PTPRD: variants seen among roughly 807,000 people sequenced by gnomAD.
PTPRD encodes protein tyrosine phosphatase receptor type D, also known as receptor-type tyrosine-protein phosphatase delta.
Under a neutral mutation model 214.5 loss-of-function variants are expected in PTPRD, and 34 were observed. That is an observed-to-expected ratio of 0.16 (90% CI 0.12 to 0.21). The LOEUF is 0.21. Among genes scored for constraint, PTPRD ranks in the 10% least tolerant of loss-of-function variants. The pLI is 1.00. For missense variants in PTPRD, 2,545 were observed against 2,398.7 expected, an observed-to-expected ratio of 1.06 and a Z score of -1.27; for synonymous variants, 1,128 against 845.7, an observed-to-expected ratio of 1.33 and a Z score of -5.79.
intron 4 of PTPRD, among the ~76,000 whole-genome samples, chr9:9,977,539 G>A (rs2095401218): frequency 6.6e-6 from 1 of 152,184 alleles, no homozygotes; most frequent in East Asian, 1.9e-4. Context: ...GAAACAAGGA[G>A]GTAAGTGATT....
At chr9:9,422,610 C>T (rs2079224263) in intron 8 of PTPRD, among the ~76,000 whole-genome samples, 1 of 152,140 alleles carries the variant, frequency 6.6e-6, no homozygotes, top group East Asian at 1.9e-4. Context: ...TAAGCAGTTA[C>T]CAGGTAGAGA....
chr9:9,614,173 A>C (rs904249185), intron 7 of PTPRD, among the ~76,000 whole-genome samples: 4 of 151,872 alleles, frequency 2.6e-5, no homozygotes, highest in African/African-American at 9.7e-5. Context: ...TAGAGGAAGG[A>C]AAGTTTATGA....
intron 5 of PTPRD, among the ~76,000 whole-genome samples, chr9:9,861,367 T>C (rs905413072): frequency 1.3e-5 from 2 of 152,188 alleles, no homozygotes; most frequent in African/African-American, 2.4e-5. Flanking sequence ...CTCGGCTCAC[T>C]GCAACCTCCG....
At chr9:9,145,891 G>A (rs1394299509) in intron 10 of PTPRD, among the ~76,000 whole-genome samples, 1 of 152,184 alleles carries the variant, frequency 6.6e-6, no homozygotes, top group African/African-American at 2.4e-5. Context: ...TCGAAGGAAA[G>A]GTAATTAACA....
chr9:9,301,450 T>C (rs1239480298), intron 9 of PTPRD, among the ~76,000 whole-genome samples: 1 of 151,782 alleles, frequency 6.6e-6, no homozygotes, highest in Non-Finnish European at 1.5e-5. Flanking sequence ...GAGTACTTAC[T>C]TTAAACAGTG....
chr9:9,517,126 A>C (rs1022374326), intron 8 of PTPRD, among the ~76,000 whole-genome samples: 1 of 152,138 alleles, frequency 6.6e-6, no homozygotes, highest in African/African-American at 2.4e-5. Context: ...ATTTATGCTA[A>C]ATTATGCAAC....
At chr9:8,891,690 C>T (rs548077959) in intron 11 of PTPRD, among the ~76,000 whole-genome samples, 2 of 152,230 alleles carry the variant, frequency 1.3e-5, no homozygotes, top group South Asian at 4.1e-4. Context: ...ATACACCTGA[C>T]ATGGCAAAAT....
At chr9:10,070,139 G>C (rs1198583625) in intron 3 of PTPRD, among the ~76,000 whole-genome samples, 1 of 152,046 alleles carries the variant, frequency 6.6e-6, no homozygotes, top group African/African-American at 2.4e-5. Flanking sequence ...TAATATATGG[G>C]CCAGTTGGGC....
At chr9:9,857,597 T>A (rs1471582453) in intron 5 of PTPRD, among the ~76,000 whole-genome samples, 1 of 152,232 alleles carries the variant, frequency 6.6e-6, no homozygotes, top group Non-Finnish European at 1.5e-5. Flanking sequence ...GAGTCCATAT[T>A]ACAGCTAGTG....
At chr9:9,869,477 G>C (rs2064880231) in intron 5 of PTPRD, among the ~76,000 whole-genome samples, 1 of 152,072 alleles carries the variant, frequency 6.6e-6, no homozygotes, top group South Asian at 2.1e-4. Context: ...CTCACCTATA[G>C]CTTCTCTTTT....
chr9:10,266,158 C>T (rs959089257), intron 3 of PTPRD, among the ~76,000 whole-genome samples: 10 of 151,982 alleles, frequency 6.6e-5, no homozygotes, highest in African/African-American at 2.4e-4. Flanking sequence ...CACACAGACC[C>T]AAGTTAGAAC....
chr9:8,745,699 G>C (rs947826265), intron 11 of PTPRD, among the ~76,000 whole-genome samples: 3 of 152,100 alleles, frequency 2.0e-5, no homozygotes, highest in Non-Finnish European at 4.4e-5. Context: ...GTTTGTAATT[G>C]AACGAATAAC....
chr9:9,941,821 G>A (rs11789601), intron 4 of PTPRD, among the ~76,000 whole-genome samples: 66 of 152,122 alleles, frequency 4.3e-4, no homozygotes, highest in Non-Finnish European at 8.5e-4. Context: ...GAAAATTCAT[G>A]TCATTCATTC....
At chr9:9,216,431 T>C (rs1036238638) in intron 9 of PTPRD, among the ~76,000 whole-genome samples, 1 of 152,190 alleles carries the variant, frequency 6.6e-6, no homozygotes, top group African/African-American at 2.4e-5. Flanking sequence ...ATCCTGAGCC[T>C]AGGAATTTTA....
At position 9,411,019 on chromosome 9, in the gene PTPRD, C is replaced by T. The variant is rs543542058; in HGVS notation, c.-236-13537G>A. On this transcript the variant is annotated intron_variant, in intron 8 of 45. Transcript: ENST00000381196. ...AAATATACATGTTTGCTTTTTTTTC[C>T]CACCACAGCTGCAAAACCTCTTTGT... is the stretch of plus-strand genomic sequence containing the variant. Among the ~76,000 whole-genome samples, 10 of 151,846 alleles carry T rather than the reference C, an allele frequency of 6.6e-5. No homozygotes were observed. In the East Asian group the frequency reaches 1.8e-3, roughly 27 times the overall value.
At chr9:9,659,351 A>C (rs2096579492) in intron 7 of PTPRD, among the ~76,000 whole-genome samples, 1 of 152,126 alleles carries the variant, frequency 6.6e-6, no homozygotes, top group South Asian at 2.1e-4. Context: ...AAAAAATTTC[A>C]ACAAATAAAT....
chr9:8,328,781 T>G (rs534110514), intron 44 of PTPRD, among the ~76,000 whole-genome samples: 1 of 152,296 alleles, frequency 6.6e-6, no homozygotes, highest in African/African-American at 2.4e-5. Context: ...TGAGTTGATC[T>G]TCAATCTCGG....
intron 2 of PTPRD, among the ~76,000 whole-genome samples, chr9:10,604,989 C>G (rs2078929857): frequency 6.6e-6 from 1 of 151,776 alleles, no homozygotes; most frequent in African/African-American, 2.4e-5. Context: ...GGAAACTCTT[C>G]AAACTTAAGT....
At chr9:9,243,861 C>T (rs915815060) in intron 9 of PTPRD, among the ~76,000 whole-genome samples, 1 of 152,170 alleles carries the variant, frequency 6.6e-6, no homozygotes, top group Non-Finnish European at 1.5e-5. Flanking sequence ...TCCCTGTTTG[C>T]AGGTGACATG....
Sources: allele counts gnomAD v4.1 joint callset (sites outside exome capture counted in the v4.1 genomes callset), GRCh38; gene constraint gnomAD v4.1.1; transcripts MANE v1.5; gene names NCBI Gene and HGNC (gene_info 2026-07-23, HGNC 2026-07-21).